BMPR1B: variants seen among roughly 807,000 people sequenced by gnomAD.
BMPR1B encodes bone morphogenetic protein receptor type 1B.
A neutral mutation model predicts 59.1 loss-of-function variants in BMPR1B; 12 were observed. The observed-to-expected ratio is 0.20, with a 90% CI of 0.13 to 0.33. The LOEUF (loss-of-function observed/expected upper bound fraction) is 0.33. Among genes scored for constraint, BMPR1B ranks in the 10% least tolerant of loss-of-function variants. The probability of loss-of-function intolerance (pLI) is 1.00; values close to 1 mark genes in which losing one functional copy is unlikely to be tolerated. For missense variants in BMPR1B, 550 were observed against 610.9 expected, an observed-to-expected ratio of 0.90 and a Z score of 1.05; for synonymous variants, 237 against 207.3, an observed-to-expected ratio of 1.14 and a Z score of -1.23.
At chr4:94,800,673 G>C (rs893633844) in intron 1 of BMPR1B, among the ~76,000 whole-genome samples, 23 of 151,988 alleles carry the variant, frequency 1.5e-4, no homozygotes, top group African/African-American at 5.6e-4. Flanking sequence ...GCAGTAAAAT[G>C]GAATCCATTA....
chr4:94,962,532 T>C (rs1730411311), intron 2 of BMPR1B, among the ~76,000 whole-genome samples: 1 of 152,122 alleles, frequency 6.6e-6, no homozygotes, highest in African/African-American at 2.4e-5. Context: ...TGTAACTCCA[T>C]GAGATCAGTT....
chr4:94,849,536 T>C (rs1335313221), intron 1 of BMPR1B, among the ~76,000 whole-genome samples: 1 of 152,024 alleles, frequency 6.6e-6, no homozygotes, highest in African/African-American at 2.4e-5. Flanking sequence ...TTGATTTTGT[T>C]TTTTAAAATG....
At position 95,138,868 on chromosome 4, in the gene BMPR1B, C is replaced by T. The variant is rs535743353; in HGVS notation, c.1076+7356C>T. On this transcript the variant is annotated intron_variant, in intron 10 of 12. Coordinates refer to ENST00000515059, the MANE Select transcript of BMPR1B (RefSeq NM_001203.3). ...TGAGTTTGGCCATCCTCCTTTAGCT[C>T]GGAGAAGTTTGTTAATGCCGATTGT... Among the ~76,000 whole-genome samples, 63 of 152,262 alleles carry T rather than the reference C, an allele frequency of 4.1e-4. No homozygotes were observed. In the South Asian group the frequency reaches 8.7e-3, roughly 21 times the overall value.
At chr4:95,142,480 T>C (rs1305185697) in intron 10 of BMPR1B, among the ~76,000 whole-genome samples, 1 of 152,190 alleles carries the variant, frequency 6.6e-6, no homozygotes, top group Non-Finnish European at 1.5e-5. Flanking sequence ...AAAGTACAGT[T>C]CTTATTTCAT....
chr4:94,981,854 A>G (rs1296981856), intron 2 of BMPR1B, among the ~76,000 whole-genome samples: 1 of 152,198 alleles, frequency 6.6e-6, no homozygotes, highest in African/African-American at 2.4e-5. Flanking sequence ...TTTTCAGAAT[A>G]TTTCCCAGTT....
intron 1 of BMPR1B, among the ~76,000 whole-genome samples, chr4:94,789,922 T>A (rs1442469795): frequency 6.6e-6 from 1 of 152,098 alleles, no homozygotes; most frequent in Non-Finnish European, 1.5e-5. Context: ...CTCCTCTACC[T>A]CCTCCTCCTC....
At chr4:94,868,191 C>T (rs1005488250) in intron 1 of BMPR1B, among the ~76,000 whole-genome samples, 4 of 150,616 alleles carry the variant, frequency 2.7e-5, no homozygotes, top group Non-Finnish European at 1.5e-5. Flanking sequence ...TCTTTTGAGA[C>T]GGGGTCTCAC....
At chr4:94,767,643 GAATTA>G (rs1248125316) in intron 1 of BMPR1B, among the ~76,000 whole-genome samples, 1 of 152,084 alleles carries the variant, frequency 6.6e-6, no homozygotes, top group East Asian at 1.9e-4. Flanking sequence ...CTGTTTAATT[GAATTA>G]AATTAGCTTT....
At chr4:95,024,920 G>T (rs1055808606) in intron 3 of BMPR1B, among the ~76,000 whole-genome samples, 1 of 152,062 alleles carries the variant, frequency 6.6e-6, no homozygotes, top group Non-Finnish European at 1.5e-5. Flanking sequence ...GGCCAATATG[G>T]TGAAACCCTG....
At chr4:94,958,438 G>A (rs939862630) in intron 2 of BMPR1B, among the ~76,000 whole-genome samples, 1 of 152,126 alleles carries the variant, frequency 6.6e-6, no homozygotes, top group African/African-American at 2.4e-5. Context: ...ATAGGGTTGG[G>A]TTCTTGTGGG....
chr4:94,957,346 T>A (rs946864751), intron 2 of BMPR1B, among the ~76,000 whole-genome samples: 1 of 149,524 alleles, frequency 6.7e-6, no homozygotes, highest in African/African-American at 2.5e-5. Context: ...TTTTTTTTTT[T>A]TTTTTTTTTT....
At chr4:95,059,749 C>T (rs1026653652) in intron 3 of BMPR1B, among the ~76,000 whole-genome samples, 24 of 152,128 alleles carry the variant, frequency 1.6e-4, no homozygotes, top group Admixed American at 1.6e-3. Context: ...CAAAGCCACA[C>T]ATTGTAGAAG....
At chr4:94,830,019 G>C (rs1724518374) in intron 1 of BMPR1B, among the ~76,000 whole-genome samples, 1 of 152,044 alleles carries the variant, frequency 6.6e-6, no homozygotes, top group Admixed American at 6.6e-5. Context: ...AAAAATATTA[G>C]AAATGAGACT....
chr4:94,882,646 T>G (rs1727019468), intron 2 of BMPR1B, among the ~76,000 whole-genome samples: 4 of 152,300 alleles, frequency 2.6e-5, no homozygotes, highest in Middle Eastern at 3.4e-3. Flanking sequence ...CAGCTAGAAT[T>G]GGTAGGGTGG....
At chr4:94,898,120 A>T (rs1294264178) in intron 2 of BMPR1B, among the ~76,000 whole-genome samples, 1 of 150,918 alleles carries the variant, frequency 6.6e-6, no homozygotes, top group Non-Finnish European at 1.5e-5. Context: ...ATTGTTTTTT[A>T]AAAATTTTTT....
intron 1 of BMPR1B, among the ~76,000 whole-genome samples, chr4:94,839,706 CT>C (rs1010399132): frequency 7.2e-6 from 1 of 139,282 alleles, no homozygotes; most frequent in Non-Finnish European, 1.6e-5. Flanking sequence ...GGTCTTGACT[CT>C]TTATCCAATT....
intron 1 of BMPR1B, among the ~76,000 whole-genome samples, chr4:94,758,700 T>TTCTCTCTCTCTATGCC (rs1721633258): frequency 6.6e-6 from 1 of 152,046 alleles, no homozygotes; most frequent in South Asian, 2.1e-4. Flanking sequence ...TCTCTCCTGC[T>TTCTCTCTCTCTATGCC]TCTCTCTCTC....
rs889398859 is a variant in BMPR1B, at chr4:95,158,400, T to G, written c.*3727T>G. ...TGTTACAGATTGTATATGGCTTTGT[T>G]TTAACATTCCCCTAAATAAAATGGC... On this transcript the variant is annotated 3_prime_UTR_variant, in exon 13 of 13. Transcript: ENST00000515059. 16 of 152,212 alleles carry G rather than the reference T, an allele frequency of 1.1e-4. No homozygotes were observed. Among genetic ancestry groups the G allele is most frequent in the African/African-American group, 3.9e-4 (16 of 41,446 alleles). The allele number at this position is 152,212 out of a possible 1,614,324, so 9.4% of individuals were successfully genotyped here.
intron 3 of BMPR1B, among the ~76,000 whole-genome samples, chr4:95,017,677 T>G (rs866095608): frequency 1.3e-5 from 2 of 152,198 alleles, no homozygotes; most frequent in Non-Finnish European, 2.9e-5. Flanking sequence ...TTTAAGCCTG[T>G]TATCTGGTTT....
Sources: gnomAD v4.1 joint callset for allele counts (sites outside exome capture counted in the v4.1 genomes callset) on GRCh38, gnomAD v4.1.1 for gene constraint, MANE v1.5 for transcripts, NCBI Gene and HGNC (gene_info 2026-07-23, HGNC 2026-07-21) for gene names.